Variants in KCNJ16 observed in about 807,000 individuals in gnomAD.
KCNJ16 encodes the protein potassium inwardly rectifying channel subfamily J member 16.
Under a neutral mutation model 18.5 loss-of-function variants are expected in KCNJ16, and 15 were observed. That is an observed-to-expected ratio of 0.81 (90% CI 0.54 to 1.25). The LOEUF is 1.25. Among genes scored for constraint, KCNJ16 ranks in the 50% most tolerant of loss-of-function variants. KCNJ16 has a pLI of 0.00. For synonymous variants in KCNJ16, 174 were observed against 186.5 expected (o/e 0.93, Z 0.55); for missense variants, 523 against 525.7 (o/e 0.99, Z 0.05).
intron 2 of KCNJ16, among the ~76,000 whole-genome samples, chr17:70,126,672 C>G (rs553885433): frequency 6.6e-6 from 1 of 152,106 alleles, no homozygotes; most frequent in African/African-American, 2.4e-5. Flanking sequence ...TCTGCAATAC[C>G]GAAAACCATT....
intron 2 of KCNJ16, among the ~76,000 whole-genome samples, chr17:70,103,742 G>A (rs2072780955): frequency 6.6e-6 from 1 of 151,808 alleles, no homozygotes; most frequent in Non-Finnish European, 1.5e-5. Context: ...TCTCCCCTGA[G>A]CTCCAGACTA....
intron 1 of KCNJ16, among the ~76,000 whole-genome samples, chr17:70,092,540 ATAGATAGATATAGATAGAT>A (rs2072151404): frequency 1.3e-4 from 1 of 7,564 alleles, no homozygotes; most frequent in South Asian, 2.3e-3. Context: ...ACAGATAGAT[ATAGATAGATATAGATAGAT>A]GATAGATATA....
intron 1 of KCNJ16, chr17:70,096,892 A>C: frequency 2.5e-6 from 1 of 398,334 alleles, no homozygotes; most frequent in Non-Finnish European, 4.4e-6. Flanking sequence ...AGACCAACCT[A>C]CATTTAAAAT....
chr17:70,122,836 C>T (rs1395341261), intron 2 of KCNJ16, among the ~76,000 whole-genome samples: 2 of 152,120 alleles, frequency 1.3e-5, no homozygotes, highest in Non-Finnish European at 2.9e-5. Flanking sequence ...CAGCCTAGTT[C>T]GTGAAGTTCT....
Position 70,132,764 on chromosome 17 carries a change from A to C in KCNJ16, c.677A>C (p.Asp226Ala). 1 of 1,614,052 alleles carries C rather than the reference A, an allele frequency of 6.2e-7. No individual in the cohort carries two copies. The highest frequency in any genetic ancestry group is 8.5e-7 in the Non-Finnish European group (1 of 1,180,038). Residue 226 changes from aspartate to alanine, a missense_variant, in exon 4 of 4, where the codon GAC (aspartate) becomes GCC (alanine). Transcript: ENST00000392671. ...GCCCAACTTCTCCGCTATACAGAAG[A>C]CAGTGAAGGGAGGATGACGATGGCA... ...VRAQLLRYTE[D>A]SEGRMTMAFK...
chr17:70,131,910 A>G, intron 3 of KCNJ16, 85 bp from the exon 4 acceptor site: 8 of 1,185,118 alleles, frequency 6.8e-6, no homozygotes, highest in Non-Finnish European at 9.4e-6. Flanking sequence ...TTTAGATGGT[A>G]TGACACTGCT....
intron 2 of KCNJ16, among the ~76,000 whole-genome samples, chr17:70,121,881 T>C (rs536351286): frequency 1.1e-4 from 16 of 152,220 alleles, no homozygotes; most frequent in Admixed American, 8.5e-4. Flanking sequence ...ATTCCTTGAA[T>C]CTGTTAGGCA....
At chr17:70,108,382 G>A (rs2073027579) in intron 2 of KCNJ16, 1 of 152,218 alleles carries the variant, frequency 6.6e-6, no homozygotes, top group Admixed American at 6.5e-5. Context: ...GTCAGGGAAG[G>A]TATGTTGGGA....
intron 2 of KCNJ16, among the ~76,000 whole-genome samples, chr17:70,126,347 TA>T (rs1263940209): frequency 1.3e-5 from 2 of 152,140 alleles, no homozygotes; most frequent in Non-Finnish European, 2.9e-5. Context: ...TCCTGGGGAA[TA>T]AAACCCAGCA....
chr17:70,091,724 A>G (rs767511831), intron 1 of KCNJ16, among the ~76,000 whole-genome samples: 1 of 152,176 alleles, frequency 6.6e-6, no homozygotes, highest in African/African-American at 2.4e-5. Context: ...TTACCTAGGT[A>G]GGGCTTCATT....
rs369075216 is a variant in KCNJ16, at chr17:70,095,572, TGTGA to T, written c.-299-5083_-299-5080del. Among the ~76,000 whole-genome samples the T allele has an allele frequency of 6.0e-4, 91 of 152,360 alleles. 1 individual carries two copies. The highest frequency in any genetic ancestry group is 2.1e-3 in the African/African-American group (88 of 41,584). On this transcript the variant is annotated intron_variant, in intron 1 of 3. Coordinates refer to ENST00000392671, the MANE Select transcript of KCNJ16 (RefSeq NM_170741.4). The stretch of plus-strand genomic sequence containing the variant: ...AAGATTTTCCACTCCTCTGCCTGCC[TGTGA>T]GTCTCTGGCAAACAAAAGTGATCGT...
In KCNJ16 at chr17:70,110,451, C is replaced by T. The variant is rs909398698; in HGVS notation, c.-191+9685C>T. ...ATGTTGATCTCTCTCAGGTCAGGAA[C>T]CAGACTTACACACCTACACACTTCG... On this transcript the variant is annotated intron_variant, in intron 2 of 3. Transcript: ENST00000392671. 4.7e-5 allele frequency among the ~76,000 whole-genome samples: 7 copies of T among 148,718 alleles called. No individual in the cohort carries two copies. In the South Asian group the frequency reaches 8.4e-4, roughly 18 times the overall value.
Position 70,132,388 on chromosome 17 carries a change from G to A in KCNJ16, c.301G>A (p.Asp101Asn), listed in dbSNP as rs771171409. 9.9e-6 allele frequency: 16 copies of A among 1,614,008 alleles called. No individual in the cohort carries two copies. Among genetic ancestry groups the A allele is most frequent in the Admixed American group, 6.7e-5 (4 of 59,992 alleles). The part of the protein sequence containing the change: ...VFWLIAFHHG[D>N]LLNDPDITPC... ...TTGGCTCATAGCCTTTCATCATGGC[G>A]ATCTATTAAATGATCCAGACATCAC... Residue 101 changes from aspartate (D) to asparagine (N), a missense_variant, in exon 4 of 4, where the codon GAT (aspartate) becomes AAT (asparagine). Physicochemically the swap from Asp to Asn is conservative, Grantham distance 23. Coordinates refer to ENST00000392671, the MANE Select transcript of KCNJ16 (RefSeq NM_170741.4).
chr17:70,130,857 T>C (rs1040903259), intron 2 of KCNJ16, 22 bp from the exon 3 acceptor site: 18 of 1,043,024 alleles, frequency 1.7e-5, no homozygotes, highest in Non-Finnish European at 2.6e-5. Context: ...ACAATACTTT[T>C]ATTTTTGTTT....
chr17:70,121,348 T>C (rs960805939), intron 2 of KCNJ16, among the ~76,000 whole-genome samples: 1 of 152,178 alleles, frequency 6.6e-6, no homozygotes, highest in Non-Finnish European at 1.5e-5. Flanking sequence ...CCTTAAACAA[T>C]GGTCTGGCTG....
At position 70,134,200 on chromosome 17, in the gene KCNJ16, A is replaced by G. The variant is rs1050355380; in HGVS notation, c.*856A>G. ...ATACAGATGAGGTGAGGGGATGGTTAGCAGCGATAAACATTCTCAGACCCT... is the reference window on the plus strand; with the variant it reads ...ATACAGATGAGGTGAGGGGATGGTTGGCAGCGATAAACATTCTCAGACCCT... On this transcript the variant is annotated 3_prime_UTR_variant, in exon 4 of 4. Coordinates refer to ENST00000392671, the MANE Select transcript of KCNJ16 (RefSeq NM_170741.4). 2 of 166,710 alleles carry G rather than the reference A, an allele frequency of 1.2e-5. No homozygotes were observed. Among genetic ancestry groups the G allele is most frequent in the Non-Finnish European group, 2.9e-5 (2 of 68,100 alleles). The allele number at this position is 166,710 out of a possible 1,614,324, so 10.3% of individuals were successfully genotyped here.
chr17:70,111,174 C>T (rs957724472), intron 2 of KCNJ16, among the ~76,000 whole-genome samples: 2 of 152,122 alleles, frequency 1.3e-5, no homozygotes, highest in African/African-American at 2.4e-5. Context: ...CATTATGCAC[C>T]ACTCACACCA....
intron 2 of KCNJ16, among the ~76,000 whole-genome samples, chr17:70,120,956 T>A (rs887502385): frequency 6.6e-6 from 1 of 152,108 alleles, no homozygotes. Context: ...TATTACCCCC[T>A]CTTTATAAGG....
intron 2 of KCNJ16, among the ~76,000 whole-genome samples, chr17:70,121,432 CCA>C (rs1172753740): frequency 6.6e-6 from 1 of 152,100 alleles, no homozygotes; most frequent in Admixed American, 6.6e-5. Context: ...TTTTCTGACC[CCA>C]GTGTTTGTTA....
Sources: gnomAD v4.1 joint callset for allele counts (sites outside exome capture counted in the v4.1 genomes callset) on GRCh38, gnomAD v4.1.1 for gene constraint, MANE v1.5 for transcripts, NCBI Gene and HGNC (gene_info 2026-07-23, HGNC 2026-07-21) for gene names.